IMMP2L: variants seen among roughly 807,000 people sequenced by gnomAD.
IMMP2L encodes inner mitochondrial membrane peptidase subunit 2, also known as mitochondrial inner membrane protease subunit 2.
Under a neutral mutation model 19.3 loss-of-function variants are expected in IMMP2L, and 18 were observed. The observed-to-expected ratio is 0.93, with a 90% CI of 0.64 to 1.38. IMMP2L has a LOEUF of 1.38. Ranked by LOEUF, IMMP2L falls within the 40% of genes most tolerant of loss-of-function variation. The probability of loss-of-function intolerance (pLI) is 0.00; values close to 1 mark genes in which losing one functional copy is unlikely to be tolerated. For synonymous variants in IMMP2L, 76 were observed against 73.0 expected, an observed-to-expected ratio of 1.04 and a Z score of -0.21; for missense variants, 233 against 218.2, an observed-to-expected ratio of 1.07 and a Z score of -0.43.
Position 110,903,633 on chromosome 7 carries a change from C to T in IMMP2L, c.306-16938G>A, listed in dbSNP as rs367785164. Among the ~76,000 whole-genome samples, 117 of 152,250 alleles carry T rather than the reference C, an allele frequency of 7.7e-4. 3 individuals carry two copies. In the South Asian group the frequency reaches 0.021, roughly 27 times the overall value. On this transcript the variant is annotated intron_variant, in intron 4 of 5. Transcript: ENST00000405709. ...AGTATTCCATTGTATGTCTACACAA[C>T]ATTTTCTTTATCCATTCACCTGCTG...
intron 3 of IMMP2L, among the ~76,000 whole-genome samples, chr7:111,113,242 A>G (rs966804908): frequency 3.9e-5 from 6 of 152,174 alleles, no homozygotes; most frequent in African/African-American, 1.4e-4. Context: ...GTGACTTTCT[A>G]TTCTGTCAAA....
chr7:110,889,926 TTTTAA>T (rs1210823326), intron 4 of IMMP2L, among the ~76,000 whole-genome samples: 3 of 152,194 alleles, frequency 2.0e-5, no homozygotes, highest in East Asian at 1.9e-4. Flanking sequence ...TTGAGACTGT[TTTTAA>T]TTTAAGTAAA....
intron 3 of IMMP2L, among the ~76,000 whole-genome samples, chr7:111,136,248 G>C (rs1029900615): frequency 6.6e-6 from 1 of 152,044 alleles, no homozygotes; most frequent in Admixed American, 6.6e-5. Context: ...GGCTAGTCTT[G>C]AACTTCTGAC....
At chr7:111,268,569 C>CTCTTTTTTTTTTTTT (rs1818083564) in intron 3 of IMMP2L, among the ~76,000 whole-genome samples, 2 of 44,562 alleles carry the variant, frequency 4.5e-5, no homozygotes, top group African/African-American at 2.0e-4. Flanking sequence ...TCACATTTCT[C>CTCTTTTTTTTTTTTT]TTTTTTTTTT....
intron 3 of IMMP2L, among the ~76,000 whole-genome samples, chr7:111,008,423 C>T (rs1321660073): frequency 6.6e-6 from 1 of 151,614 alleles, no homozygotes; most frequent in Non-Finnish European, 1.5e-5. Flanking sequence ...TTCATGGTTC[C>T]CTCCCTCATT....
At chr7:110,802,153 A>G (rs1801296351) in intron 5 of IMMP2L, among the ~76,000 whole-genome samples, 1 of 152,096 alleles carries the variant, frequency 6.6e-6, no homozygotes, top group African/African-American at 2.4e-5. Context: ...ATAGATAAGA[A>G]TCCTTGGTCT....
At chr7:111,415,237 C>T (rs865810363) in intron 3 of IMMP2L, among the ~76,000 whole-genome samples, 2 of 151,638 alleles carry the variant, frequency 1.3e-5, no homozygotes, top group South Asian at 2.1e-4. Flanking sequence ...AGTCTCCAGA[C>T]AAGAGCTAGC....
chr7:111,379,774 TA>T (rs1214790587), intron 3 of IMMP2L, among the ~76,000 whole-genome samples: 2 of 151,882 alleles, frequency 1.3e-5, no homozygotes, highest in Non-Finnish European at 2.9e-5. Flanking sequence ...ATCAAGTAAA[TA>T]AGAACTCATT....
intron 5 of IMMP2L, among the ~76,000 whole-genome samples, chr7:110,762,675 G>A (rs1373350812): frequency 2.0e-5 from 3 of 152,120 alleles, no homozygotes; most frequent in African/African-American, 7.2e-5. Context: ...GAATGGACTA[G>A]TGAAATCCTA....
At chr7:111,475,504 A>C (rs185716358) in intron 3 of IMMP2L, among the ~76,000 whole-genome samples, 6 of 152,170 alleles carry the variant, frequency 3.9e-5, no homozygotes, top group African/African-American at 1.4e-4. Flanking sequence ...GATTTCTTCC[A>C]CTTTTCCAAG....
At chr7:111,126,432 G>A (rs182026135) in intron 3 of IMMP2L, among the ~76,000 whole-genome samples, 1 of 152,072 alleles carries the variant, frequency 6.6e-6, no homozygotes, top group Non-Finnish European at 1.5e-5. Context: ...TACTTTCAGA[G>A]TTTGACACAA....
chr7:111,136,357 T>G (rs1347073360), intron 3 of IMMP2L, among the ~76,000 whole-genome samples: 1 of 152,064 alleles, frequency 6.6e-6, no homozygotes, highest in African/African-American at 2.4e-5. Context: ...GTCCTAGGAG[T>G]AAATAGATTT....
intron 5 of IMMP2L, among the ~76,000 whole-genome samples, chr7:110,679,637 G>A (rs1308969442): frequency 2.6e-5 from 4 of 151,950 alleles, no homozygotes; most frequent in Admixed American, 6.6e-5. Flanking sequence ...TGCCAATCCC[G>A]CTGCTGTGGT....
At chr7:111,095,641 A>G (rs971829034) in intron 3 of IMMP2L, among the ~76,000 whole-genome samples, 1 of 151,984 alleles carries the variant, frequency 6.6e-6, no homozygotes, top group African/African-American at 2.4e-5. Context: ...AAAACATGTT[A>G]ATAATAATAC....
At chr7:111,239,172 C>T (rs1005061203) in intron 3 of IMMP2L, among the ~76,000 whole-genome samples, 6 of 151,844 alleles carry the variant, frequency 4.0e-5, no homozygotes, top group African/African-American at 1.2e-4. Flanking sequence ...AAATCCACAT[C>T]CTGTTCAACA....
chr7:111,500,103 C>T (rs1025829694), intron 2 of IMMP2L, among the ~76,000 whole-genome samples: 28 of 152,064 alleles, frequency 1.8e-4, no homozygotes, highest in African/African-American at 6.3e-4. Context: ...GTCACTCCCA[C>T]CCTAATACTG....
At chr7:110,764,177 T>C (rs1335659612) in intron 5 of IMMP2L, among the ~76,000 whole-genome samples, 1 of 152,130 alleles carries the variant, frequency 6.6e-6, no homozygotes, top group Non-Finnish European at 1.5e-5. Flanking sequence ...CTTCAAAGTA[T>C]GCCTTCTGGC....
chr7:110,792,732 A>G (rs750928585), intron 5 of IMMP2L, among the ~76,000 whole-genome samples: 3 of 152,094 alleles, frequency 2.0e-5, no homozygotes, highest in Non-Finnish European at 4.4e-5. Context: ...TTAATGTTGT[A>G]CATTCTAGGG....
At position 111,562,469 on chromosome 7, in the gene IMMP2L, G is replaced by A; in HGVS notation, c.-621C>T. ...CGGGCGCCCGCCCTCCGCACCCGCT[G>A]CGCAGCTCAGCCCGGGGGAAGTCCC... On this transcript the variant is annotated 5_prime_UTR_variant, in exon 1 of 6. Coordinates refer to ENST00000405709, the MANE Select transcript of IMMP2L (RefSeq NM_032549.4). 1 of 151,400 alleles carries A rather than the reference G, an allele frequency of 6.6e-6. No individual in the cohort carries two copies. Among genetic ancestry groups the A allele is most frequent in the Non-Finnish European group, 1.5e-5 (1 of 67,898 alleles). The allele number at this position is 151,400 out of a possible 1,614,324, so 9.4% of individuals were successfully genotyped here. A position where few individuals can be genotyped will look rare whatever the true frequency, so the allele number is the denominator to read the frequency against.
Sources: gnomAD v4.1 joint callset for allele counts (sites outside exome capture counted in the v4.1 genomes callset) on GRCh38, gnomAD v4.1.1 for gene constraint, MANE v1.5 for transcripts, NCBI Gene and HGNC (gene_info 2026-07-23, HGNC 2026-07-21) for gene names.